The following CPS1 variants were observed in gnomAD, a reference collection of about 807,000 sequenced individuals.
CPS1 encodes carbamoyl-phosphate synthase [ammonia], mitochondrial.
CPS1 carries 109 observed loss-of-function variants against 174.6 expected under a neutral mutation model. The observed-to-expected ratio is 0.62, with a 90% confidence interval of 0.53 to 0.73. The LOEUF (loss-of-function observed/expected upper bound fraction) is 0.73. Among genes scored for constraint, CPS1 ranks in the 30% least tolerant of loss-of-function variants. The pLI is 0.00. For synonymous variants in CPS1, 637 were observed against 632.0 expected (o/e 1.01, Z -0.12); for missense variants, 1,689 against 1,821.9 (o/e 0.93, Z 1.33).
At chr2:210,588,937 G>A (rs1051183743) in intron 7 of CPS1, among the ~76,000 whole-genome samples, 1 of 152,020 alleles carries the variant, frequency 6.6e-6, no homozygotes, top group Admixed American at 6.6e-5. Context: ...TCAATCTCAA[G>A]TTACCATTTT....
intron 21 of CPS1, among the ~76,000 whole-genome samples, chr2:210,626,818 A>G (rs1479042066): frequency 6.6e-6 from 1 of 152,210 alleles, no homozygotes; most frequent in Admixed American, 6.5e-5. Context: ...TAAGGCAAAA[A>G]TAAATACTTA....
At chr2:210,571,904 T>G (rs984031235) in intron 1 of CPS1, among the ~76,000 whole-genome samples, 2 of 94,058 alleles carry the variant, frequency 2.1e-5, no homozygotes, top group Non-Finnish European at 4.3e-5. Flanking sequence ...TGTGTGTGTG[T>G]GTGTGTATGT....
chr2:210,483,199 G>T (rs770142797), intron 1 of CPS1, among the ~76,000 whole-genome samples: 1 of 144,740 alleles, frequency 6.9e-6, no homozygotes, highest in African/African-American at 2.4e-5. Context: ...GCATGCTGTC[G>T]CTCTGTGTGT....
chr2:210,536,243 C>G (rs989123484), intron 1 of CPS1, among the ~76,000 whole-genome samples: 3 of 151,248 alleles, frequency 2.0e-5, no homozygotes, highest in Non-Finnish European at 2.9e-5. Context: ...AATCAGTTCT[C>G]TAGTTACTAA....
intron 1 of CPS1, among the ~76,000 whole-genome samples, chr2:210,563,321 A>G (rs555476204): frequency 6.6e-6 from 1 of 152,312 alleles, no homozygotes; most frequent in Non-Finnish European, 1.5e-5. Flanking sequence ...TTTAAATCAA[A>G]GCATAAGGAA....
chr2:210,599,335 CAT>C (rs1698620128), intron 13 of CPS1, 35 bp from the exon 14 acceptor site: 1 of 1,584,248 alleles, frequency 6.3e-7, no homozygotes, highest in Non-Finnish European at 8.7e-7. Context: ...TTCTTTAGAC[CAT>C]ATATTCATGT....
intron 11 of CPS1, chr2:210,593,617 A>G (rs559950784): frequency 2.0e-6 from 2 of 985,308 alleles, no homozygotes; most frequent in South Asian, 4.7e-5. Context: ...ACTTCCCCAC[A>G]CCCAGGGGCC....
chr2:210,608,702 C>T (rs1191264446), intron 19 of CPS1, 143 bp downstream of exon 19: 3 of 777,326 alleles, frequency 3.9e-6, no homozygotes, highest in African/African-American at 3.4e-5. Context: ...TTAAAGTTGC[C>T]TGAATATTAG....
chr2:210,645,805 G>A (rs1462902322), intron 25 of CPS1, among the ~76,000 whole-genome samples: 2 of 152,128 alleles, frequency 1.3e-5, no homozygotes, highest in Non-Finnish European at 2.9e-5. Flanking sequence ...GGATATGGGT[G>A]AGTCACTTCA....
chr2:210,577,418 T>C lies in CPS1; in HGVS notation c.382-3T>C. On this transcript the variant is annotated splice_polypyrimidine_tract_variant and splice_region_variant and intron_variant, in intron 3 of 37. Transcript: ENST00000233072. ...TCTTTAAAATGACTGTCTGTCTTTC[T>C]AGGTTTCAGGTTTGCTGGTGCTGGA... 1.2e-6 allele frequency: 2 copies of C among 1,612,050 alleles called. No individual in the cohort carries two copies. The highest frequency in any genetic ancestry group is 8.5e-7 in the Non-Finnish European group (1 of 1,178,218).
chr2:210,500,183 C>T lies in CPS1; in HGVS notation c.3+22417C>T, dbSNP rs567162964. 1.1e-4 allele frequency among the ~76,000 whole-genome samples: 17 copies of T among 152,182 alleles called. 1 individual carries two copies. The highest frequency in any genetic ancestry group is 6.2e-4 in the South Asian group (3 of 4,824). On this transcript the variant is annotated intron_variant, in intron 1 of 38. Transcript: ENST00000430249. ...TGATTCAATTATCTCCACCTGATCCCGCCCTTGACACCTGGGGATTATCAT... is the reference window on the plus strand; with the variant it reads ...TGATTCAATTATCTCCACCTGATCCTGCCCTTGACACCTGGGGATTATCAT...
intron 19 of CPS1, among the ~76,000 whole-genome samples, chr2:210,611,113 C>A (rs1368824925): frequency 1.3e-5 from 2 of 151,858 alleles, no homozygotes; most frequent in East Asian, 3.9e-4. Flanking sequence ...AATTGCATAT[C>A]TGAATTGCAT....
At chr2:210,500,853 G>A (rs1695120613) in intron 1 of CPS1, among the ~76,000 whole-genome samples, 1 of 152,194 alleles carries the variant, frequency 6.6e-6, no homozygotes, top group Non-Finnish European at 1.5e-5. Flanking sequence ...TTGTGTGGGG[G>A]CTCCAACCCC....
chr2:210,639,660 A>G (rs1379542024), intron 23 of CPS1, among the ~76,000 whole-genome samples: 1 of 148,776 alleles, frequency 6.7e-6, no homozygotes, highest in African/African-American at 2.5e-5. Flanking sequence ...CATGTGTGTC[A>G]GGTATGATGA....
chr2:210,516,440 T>A (rs1321882740), intron 1 of CPS1, among the ~76,000 whole-genome samples: 1 of 151,916 alleles, frequency 6.6e-6, no homozygotes, highest in Non-Finnish European at 1.5e-5. Context: ...TTTCCCAGTG[T>A]CTTTAAGTTC....
At chr2:210,676,762 T>C (rs184521492) in intron 36 of CPS1, among the ~76,000 whole-genome samples, 5 of 152,218 alleles carry the variant, frequency 3.3e-5, no homozygotes, top group Non-Finnish European at 5.9e-5. Flanking sequence ...AGTGAACAGA[T>C]AGCATTTTAA....
intron 1 of CPS1, among the ~76,000 whole-genome samples, chr2:210,525,490 G>T: frequency 6.6e-6 from 1 of 151,554 alleles, no homozygotes; most frequent in East Asian, 2.0e-4. Flanking sequence ...TGTCTTCCAG[G>T]TCCTGCATGA....
At chr2:210,543,898 C>A (rs183995215) in intron 1 of CPS1, among the ~76,000 whole-genome samples, 3 of 152,038 alleles carry the variant, frequency 2.0e-5, no homozygotes, top group Non-Finnish European at 2.9e-5. Context: ...CACTTCCCCC[C>A]CTCCCGCAAG....
chr2:210,583,989 T>C (rs1248325563), intron 6 of CPS1, among the ~76,000 whole-genome samples: 1 of 152,122 alleles, frequency 6.6e-6, no homozygotes, highest in Non-Finnish European at 1.5e-5. Flanking sequence ...AAAGATCACC[T>C]TACTTTCTCA....
Sources: allele counts gnomAD v4.1 joint callset (sites outside exome capture counted in the v4.1 genomes callset), GRCh38; gene constraint gnomAD v4.1.1; transcripts MANE v1.5; gene names NCBI Gene and HGNC (gene_info 2026-07-23, HGNC 2026-07-21).